The following MAP3K7CL variants were observed in gnomAD, a reference collection of about 807,000 sequenced individuals.
MAP3K7CL encodes the protein MAP3K7 C-terminal like, also known as MAP3K7 C-terminal-like protein.
Under a neutral mutation model 18.6 loss-of-function variants are expected in MAP3K7CL, and 16 were observed. The observed-to-expected ratio is 0.86, with a 90% CI of 0.58 to 1.31. MAP3K7CL has a LOEUF of 1.31. MAP3K7CL is among the 50% of genes most tolerant of loss of function. The pLI is 0.00. For synonymous variants in MAP3K7CL, 65 were observed against 66.8 expected (o/e 0.97, Z 0.13); for missense variants, 163 against 174.4 (o/e 0.93, Z 0.37).
At chr21:29,152,907 A>G (rs761887944) in intron 3 of MAP3K7CL, among the ~76,000 whole-genome samples, 3 of 152,228 alleles carry the variant, frequency 2.0e-5, no homozygotes, top group Non-Finnish European at 2.9e-5. Context: ...CAAGATTGCC[A>G]TAATGTAGTT....
At chr21:29,118,438 A>T (rs2086540481) in intron 4 of MAP3K7CL, among the ~76,000 whole-genome samples, 1 of 151,802 alleles carries the variant, frequency 6.6e-6, no homozygotes, top group Non-Finnish European at 1.5e-5. Flanking sequence ...TAGTTCCAGA[A>T]ATATTTACTG....
upstream of MAP3K7CL, among the ~76,000 whole-genome samples, chr21:29,126,554 G>C (rs909226093): frequency 1.3e-5 from 2 of 152,258 alleles, no homozygotes; most frequent in Admixed American, 1.3e-4. Flanking sequence ...CACCTCCCGA[G>C]TTCAAGTGAT....
chr21:29,100,822 C>T (rs1261830808), intron 4 of MAP3K7CL, among the ~76,000 whole-genome samples: 1 of 148,776 alleles, frequency 6.7e-6, no homozygotes, highest in Non-Finnish European at 1.5e-5. Context: ...CCACCATTCT[C>T]CTGCCTCAGC....
chr21:29,140,505 C>G (rs1289157441), intron 2 of MAP3K7CL, among the ~76,000 whole-genome samples: 1 of 152,180 alleles, frequency 6.6e-6, no homozygotes, highest in South Asian at 2.1e-4. Flanking sequence ...TGCTTCAAAT[C>G]ATGCAACTAA....
chr21:29,081,361 A>G (rs1238201248), upstream of MAP3K7CL, among the ~76,000 whole-genome samples: 1 of 152,222 alleles, frequency 6.6e-6, no homozygotes, highest in African/African-American at 2.4e-5. Flanking sequence ...CATCCTGGCT[A>G]ACACGGTGAA....
chr21:29,099,840 T>C (rs933627163), intron 4 of MAP3K7CL, among the ~76,000 whole-genome samples: 5 of 151,932 alleles, frequency 3.3e-5, no homozygotes, highest in African/African-American at 1.2e-4. Context: ...TCCCAGCACT[T>C]TGGGAGGCCG....
At chr21:29,085,098 C>T (rs779438067), upstream of MAP3K7CL, 1 of 152,150 alleles carries the variant, frequency 6.6e-6, no homozygotes, top group Non-Finnish European at 1.5e-5. Context: ...AAGCCCTTAC[C>T]GGGGTCCTTC....
At chr21:29,154,243 T>G (rs567570278) in intron 3 of MAP3K7CL, among the ~76,000 whole-genome samples, 1 of 152,246 alleles carries the variant, frequency 6.6e-6, no homozygotes, top group Non-Finnish European at 1.5e-5. Flanking sequence ...GGTGAAATTA[T>G]TTATTGAATG....
intron 4 of MAP3K7CL, among the ~76,000 whole-genome samples, chr21:29,100,455 TAG>T (rs1349944483): frequency 6.6e-6 from 1 of 152,216 alleles, no homozygotes; most frequent in African/African-American, 2.4e-5. Flanking sequence ...TACAGCTAGT[TAG>T]AGTGTGGATT....
chr21:29,149,041 A>T, intron 2 of MAP3K7CL, 148 bp from the exon 3 acceptor site: 1 of 698,856 alleles, frequency 1.4e-6, no homozygotes, highest in Middle Eastern at 2.5e-4. Context: ...GAAAATGAGC[A>T]AAATTGTCCT....
At chr21:29,136,934 AG>A (rs67107862) in intron 2 of MAP3K7CL, among the ~76,000 whole-genome samples, 7,688 of 152,326 alleles carry the variant, frequency 0.05, 451 homozygotes, top group East Asian at 0.17. Flanking sequence ...CTTTACAGCC[AG>A]AGAGGCATGA....
upstream of MAP3K7CL, among the ~76,000 whole-genome samples, chr21:29,081,931 C>T (rs7509628): frequency 0.38 from 57,667 of 152,020 alleles, 12,241 homozygotes; most frequent in South Asian, 0.52. Context: ...CAGTTGTAGG[C>T]GAGCCTGCTT....
intron 2 of MAP3K7CL, among the ~76,000 whole-genome samples, chr21:29,143,656 C>G (rs1426553418): frequency 6.6e-6 from 1 of 152,080 alleles, no homozygotes; most frequent in Non-Finnish European, 1.5e-5. Flanking sequence ...CTCCCGACCT[C>G]AGGTGATCCG....
intron 1 of MAP3K7CL, among the ~76,000 whole-genome samples, chr21:29,089,199 A>AAAAAAAAAAC (rs2085979059): frequency 7.5e-6 from 1 of 133,736 alleles, no homozygotes; most frequent in Admixed American, 7.5e-5. Context: ...AAAAAAAAAA[A>AAAAAAAAAAC]AAGACACTGG....
At chr21:29,146,893 A>T (rs185625880) in intron 2 of MAP3K7CL, among the ~76,000 whole-genome samples, 6 of 152,164 alleles carry the variant, frequency 3.9e-5, no homozygotes, top group African/African-American at 1.4e-4. Flanking sequence ...ATTATCTTCG[A>T]TGCTTTCAAT....
At chr21:29,099,222 C>A (rs192854136) in intron 4 of MAP3K7CL, among the ~76,000 whole-genome samples, 1 of 150,884 alleles carries the variant, frequency 6.6e-6, no homozygotes, top group Non-Finnish European at 1.5e-5. Context: ...TCCCAAGTAG[C>A]TGGGACTACA....
chr21:29,089,938 A>G (rs2085993624), intron 1 of MAP3K7CL, among the ~76,000 whole-genome samples: 1 of 151,954 alleles, frequency 6.6e-6, no homozygotes, highest in Admixed American at 6.6e-5. Context: ...AAGAAGGAGG[A>G]AAGACAGGAA....
At chr21:29,081,342 G>A (rs1229504804), upstream of MAP3K7CL, among the ~76,000 whole-genome samples, 1 of 152,244 alleles carries the variant, frequency 6.6e-6, no homozygotes, top group East Asian at 1.9e-4. Flanking sequence ...AAGGTCAGGA[G>A]ATCAAGACCA....
At chr21:29,122,883 C>T (rs898615646) in intron 4 of MAP3K7CL, among the ~76,000 whole-genome samples, 5 of 152,014 alleles carry the variant, frequency 3.3e-5, no homozygotes, top group African/African-American at 1.2e-4. Flanking sequence ...CTGTCTGTAT[C>T]AATTGTATTT....
Sources: gnomAD v4.1 joint callset for allele counts (sites outside exome capture counted in the v4.1 genomes callset) on GRCh38, gnomAD v4.1.1 for gene constraint, MANE v1.5 for transcripts, NCBI Gene and HGNC (gene_info 2026-07-23, HGNC 2026-07-21) for gene names.